The following UNC13C variants were observed in gnomAD, a reference collection of about 807,000 sequenced individuals.
UNC13C encodes unc-13 homolog C.
Under a neutral mutation model 245.4 loss-of-function variants are expected in UNC13C, and 174 were observed. The observed-to-expected ratio is 0.71, with a 90% CI of 0.63 to 0.80. The LOEUF (loss-of-function observed/expected upper bound fraction) is 0.80, where lower values mean the gene tolerates loss of function less well. UNC13C is among the 30% of genes least tolerant of loss of function. The pLI is 0.00. For synonymous variants in UNC13C, 992 were observed against 895.1 expected, an observed-to-expected ratio of 1.11 and a Z score of -1.93; for missense variants, 2,829 against 2,602.9, an observed-to-expected ratio of 1.09 and a Z score of -1.89.
At chr15:54,414,088 C>G (rs769128618) in intron 18 of UNC13C, among the ~76,000 whole-genome samples, 1 of 152,124 alleles carries the variant, frequency 6.6e-6, no homozygotes, top group African/African-American at 2.4e-5. Flanking sequence ...TTAACCTAAG[C>G]TTGTTTAGTC....
At chr15:53,973,607 G>A (rs1368238647), upstream of UNC13C, among the ~76,000 whole-genome samples, 2 of 149,994 alleles carry the variant, frequency 1.3e-5, no homozygotes, top group East Asian at 1.9e-4. Context: ...TCCAAAAAGT[G>A]GAAAAAAAAT....
rs771818462 is a variant in UNC13C at position 54,512,414 on chromosome 15, G to A, written c.5457+584G>A. 7 of 455,308 alleles carry A rather than the reference G, an allele frequency of 1.5e-5. 1 individual carries two copies. Among genetic ancestry groups the A allele is most frequent in the Middle Eastern group, 3.2e-4 (1 of 3,088 alleles). 28.2% of individuals were successfully genotyped at this position (455,308 alleles called of 1,614,324 possible). The stretch of plus-strand genomic sequence containing the variant: ...TAAGCATCTTATCCCTTACCTGGCT[G>A]TTCCCTCCAACCCTCACTCCATACC... On this transcript the variant is annotated intron_variant, in intron 24 of 32. Transcript: ENST00000260323.
At chr15:54,420,585 C>T (rs1162962880) in intron 19 of UNC13C, among the ~76,000 whole-genome samples, 1 of 151,744 alleles carries the variant, frequency 6.6e-6, no homozygotes, top group Non-Finnish European at 1.5e-5. Flanking sequence ...TAGTATTTGC[C>T]TTTCTGATCA....
the UNC13C span, among the ~76,000 whole-genome samples, chr15:53,874,029 T>C: frequency 6.6e-6 from 1 of 151,600 alleles, no homozygotes; most frequent in Non-Finnish European, 1.5e-5. Context: ...CAGGCTGGAG[T>C]GCAGTGATAT....
At chr15:53,920,551 C>G in the UNC13C span, among the ~76,000 whole-genome samples, 1 of 152,062 alleles carries the variant, frequency 6.6e-6, no homozygotes, top group Middle Eastern at 3.4e-3. Flanking sequence ...GAAACTGTCT[C>G]AAAAATAATA....
intron 24 of UNC13C, among the ~76,000 whole-genome samples, chr15:54,517,817 A>G (rs1338918177): frequency 6.6e-6 from 1 of 152,220 alleles, no homozygotes; most frequent in Non-Finnish European, 1.5e-5. Flanking sequence ...GGTTTGTGAG[A>G]GAAAAACAAC....
chr15:53,938,708 A>G, the UNC13C span, among the ~76,000 whole-genome samples: 2 of 152,230 alleles, frequency 1.3e-5, no homozygotes, highest in African/African-American at 4.8e-5. Context: ...AATTCACGGA[A>G]AACCACAAAA....
At chr15:54,356,013 C>T (rs914316891) in intron 17 of UNC13C, among the ~76,000 whole-genome samples, 11 of 152,194 alleles carry the variant, frequency 7.2e-5, no homozygotes, top group Admixed American at 3.9e-4. Context: ...CTCTGTGCTT[C>T]ATTTAACAAT....
chr15:54,192,083 C>T (rs1011432519), intron 4 of UNC13C, among the ~76,000 whole-genome samples: 1 of 152,042 alleles, frequency 6.6e-6, no homozygotes, highest in Non-Finnish European at 1.5e-5. Context: ...GTTGCCATTG[C>T]TTTTTGTGTT....
the UNC13C span, among the ~76,000 whole-genome samples, chr15:53,852,271 T>C: frequency 6.6e-6 from 1 of 152,158 alleles, no homozygotes; most frequent in Non-Finnish European, 1.5e-5. Flanking sequence ...CTGATTGGAT[T>C]GTTGAGTAAG....
chr15:54,264,217 C>T lies in UNC13C; in HGVS notation c.3498C>T (p.Thr1166=). ...ATGGTGCCGAAGACAAGACTCAGAC[C>T]ATTATTACAGCAATGAAAGAAAGAA... is the stretch of plus-strand genomic sequence containing the variant. ...SKHGAEDKTQ[T]IITAMKERMK... Residue 1166 remains threonine (T), a synonymous_variant, in exon 9 of 33, where the codon ACC becomes ACT. Coordinates refer to ENST00000260323, the MANE Select transcript of UNC13C (RefSeq NM_001080534.3). 3 of 1,593,606 alleles carry T rather than the reference C, an allele frequency of 1.9e-6. No individual in the cohort carries two copies. The highest frequency in any genetic ancestry group is 2.6e-6 in the Non-Finnish European group (3 of 1,169,426).
intron 30 of UNC13C, among the ~76,000 whole-genome samples, chr15:54,587,040 A>G (rs117822466): frequency 8.4e-4 from 128 of 152,332 alleles, no homozygotes; most frequent in Non-Finnish European, 1.7e-3. Context: ...TTATGTACCA[A>G]TATGGCTGAA....
intron 19 of UNC13C, among the ~76,000 whole-genome samples, chr15:54,441,671 G>C (rs1890531405): frequency 6.6e-6 from 1 of 150,526 alleles, no homozygotes; most frequent in Non-Finnish European, 1.5e-5. Flanking sequence ...TGGGCTATTT[G>C]GTGTCTTTTG....
intron 25 of UNC13C, among the ~76,000 whole-genome samples, chr15:54,530,576 GAAC>G (rs762561799): frequency 1.3e-5 from 2 of 152,052 alleles, no homozygotes; most frequent in Non-Finnish European, 2.9e-5. Context: ...GAGAAAAAAA[GAAC>G]AATAAGGGAA....
chr15:54,017,609 A>G (rs1895719070), intron 2 of UNC13C, among the ~76,000 whole-genome samples: 1 of 152,106 alleles, frequency 6.6e-6, no homozygotes, highest in Admixed American at 6.6e-5. Flanking sequence ...CATAAATAGG[A>G]CAAGATGATA....
chr15:54,502,588 G>C (rs1265715420), intron 22 of UNC13C, among the ~76,000 whole-genome samples: 1 of 152,106 alleles, frequency 6.6e-6, no homozygotes, highest in African/African-American at 2.4e-5. Flanking sequence ...TTGATGAGCA[G>C]CTGTGTTTGG....
the UNC13C span, among the ~76,000 whole-genome samples, chr15:53,850,955 T>A: frequency 1.3e-5 from 2 of 152,096 alleles, no homozygotes; most frequent in African/African-American, 4.8e-5. Context: ...TTATGCAGTG[T>A]CTAATCTGCT....
rs577780570 is a variant in UNC13C, at chr15:54,168,803, A to G, written c.3071+25119A>G. Among the ~76,000 whole-genome samples, 8 of 152,364 alleles carry G rather than the reference A, an allele frequency of 5.3e-5. 1 individual carries two copies. Among genetic ancestry groups the G allele is most frequent in the South Asian group, 2.1e-4 (1 of 4,828 alleles). On this transcript the variant is annotated intron_variant, in intron 4 of 32. Coordinates refer to ENST00000260323, the MANE Select transcript of UNC13C (RefSeq NM_001080534.3). ...AAACTAAAAATAAAATACAATTATT[A>G]CACATGCATATGATACATTTTTAAC... is the stretch of plus-strand genomic sequence containing the variant.
intron 2 of UNC13C, among the ~76,000 whole-genome samples, chr15:54,098,019 T>C (rs1342423100): frequency 6.6e-6 from 1 of 152,100 alleles, no homozygotes; most frequent in Admixed American, 6.5e-5. Flanking sequence ...AGAATACAAT[T>C]AGGTGTGATT....
Sources: allele counts gnomAD v4.1 joint callset (sites outside exome capture counted in the v4.1 genomes callset), GRCh38; gene constraint gnomAD v4.1.1; transcripts MANE v1.5; gene names NCBI Gene and HGNC (gene_info 2026-07-23, HGNC 2026-07-21).